The following RAB9B variants were observed in gnomAD, a reference collection of about 807,000 sequenced individuals.
The protein encoded by RAB9B is RAB9B, member RAS oncogene family.
RAB9B carries 1 observed loss-of-function variant against 8.9 expected under a neutral mutation model. The ratio of observed to expected loss-of-function variants is 0.11; its 90% CI spans 0.04 to 0.53. The LOEUF is 0.53. Among genes scored for constraint, RAB9B ranks in the 20% least tolerant of loss-of-function variants. The pLI is 0.93. For synonymous variants in RAB9B, 63 were observed against 57.0 expected (o/e 1.10, Z -0.47); for missense variants, 82 against 152.9 (o/e 0.54, Z 2.45).
In RAB9B at chrX:103,822,664, T is replaced by A. The variant is rs928666879; in HGVS notation, c.*2515A>T. 1.8e-5 allele frequency: 2 copies of A among 111,874 alleles called. No individual in the cohort carries two copies. The highest frequency in any genetic ancestry group is 3.8e-5 in the Non-Finnish European group (2 of 53,154). The allele number at this position is 111,874 out of a possible 1,213,427, so 9.2% of individuals were successfully genotyped here. On this transcript the variant is annotated 3_prime_UTR_variant, in exon 3 of 3. Transcript: ENST00000243298. The stretch of plus-strand genomic sequence containing the variant: ...ATTATTCCAAAAATCTAGTGTTCTT[T>A]AAAAAAACACCTATTGAAAATATTA...
chrX:103,815,312 A>G, the RAB9B span, among the ~76,000 whole-genome samples: 1 of 112,700 alleles, frequency 8.9e-6, no homozygotes, highest in Non-Finnish European at 1.9e-5. Flanking sequence ...AAGGTAATCC[A>G]TCACATAAAC....
the RAB9B span, among the ~76,000 whole-genome samples, chrX:103,803,868 G>A: frequency 2.1e-3 from 234 of 112,734 alleles, 2 homozygotes; most frequent in East Asian, 0.022. Flanking sequence ...GAGCCACCGC[G>A]TTTGGCCTAC....
intron 2 of RAB9B, among the ~76,000 whole-genome samples, chrX:103,826,751 C>T (rs917800277): frequency 1.8e-5 from 2 of 111,646 alleles, no homozygotes; most frequent in South Asian, 3.8e-4. Flanking sequence ...GGGAACTCAA[C>T]GGTGATGAGG....
the RAB9B span, chrX:103,785,521 G>A: frequency 2.0e-6 from 2 of 1,022,375 alleles, no homozygotes; most frequent in Non-Finnish European, 2.8e-6. Context: ...TGGCAGAGGG[G>A]TTTGAGTGGC....
At chrX:103,829,990 T>C (rs1377005675) in intron 1 of RAB9B, among the ~76,000 whole-genome samples, 1 of 111,802 alleles carries the variant, frequency 8.9e-6, no homozygotes, top group Admixed American at 9.5e-5. Flanking sequence ...GCCAAAATAC[T>C]ATTATTTATA....
At chrX:103,787,618 A>G in the RAB9B span, 1 of 484,273 alleles carries the variant, frequency 2.1e-6, no homozygotes, top group Non-Finnish European at 3.7e-6. Flanking sequence ...GGGGCCAGTT[A>G]TCTAGTAGAT....
the RAB9B span, among the ~76,000 whole-genome samples, chrX:103,810,525 G>A: frequency 1.5e-4 from 17 of 112,148 alleles, no homozygotes; most frequent in African/African-American, 5.5e-4. Context: ...CTGCTGTTCT[G>A]TGAATGCTTC....
chrX:103,816,887 C>T, the RAB9B span, among the ~76,000 whole-genome samples: 1 of 112,449 alleles, frequency 8.9e-6, no homozygotes, highest in African/African-American at 3.2e-5. Context: ...GAGATACCTT[C>T]TCAAGCCAGT....
At chrX:103,813,738 T>C in the RAB9B span, among the ~76,000 whole-genome samples, 1 of 11,377 alleles carries the variant, frequency 8.8e-5, no homozygotes, top group Admixed American at 1.4e-3. Context: ...ACCATGCAAA[T>C]GGAAAGCAAA....
chrX:103,789,591 TG>T, the RAB9B span, among the ~76,000 whole-genome samples: 2 of 111,720 alleles, frequency 1.8e-5, no homozygotes, highest in Admixed American at 9.5e-5. Flanking sequence ...ACAAATTAGA[TG>T]GGAACAAGAA....
At chrX:103,795,117 G>A in the RAB9B span, among the ~76,000 whole-genome samples, 2 of 111,394 alleles carry the variant, frequency 1.8e-5, no homozygotes, top group African/African-American at 3.3e-5. Context: ...CCCTCATGGA[G>A]CTCAACTAAA....
the RAB9B span, among the ~76,000 whole-genome samples, chrX:103,801,644 T>C: frequency 9.0e-6 from 1 of 111,688 alleles, no homozygotes; most frequent in African/African-American, 3.3e-5. Flanking sequence ...ATTATCATCA[T>C]TCTAATTTTA....
chrX:103,814,777 A>C, the RAB9B span, among the ~76,000 whole-genome samples: 2 of 112,181 alleles, frequency 1.8e-5, no homozygotes, highest in Non-Finnish European at 3.8e-5. Context: ...TCCCACAGAA[A>C]TACAAACTAC....
chrX:103,806,615 G>C, the RAB9B span, among the ~76,000 whole-genome samples: 1 of 111,619 alleles, frequency 9.0e-6, no homozygotes, highest in African/African-American at 3.3e-5. Context: ...GGTCTGGTTG[G>C]TATATAGTGT....
chrX:103,808,650 C>T, the RAB9B span, among the ~76,000 whole-genome samples: 2 of 112,961 alleles, frequency 1.8e-5, no homozygotes, highest in African/African-American at 6.4e-5. Context: ...GCCACCTTCT[C>T]ATGATTCTGT....
At chrX:103,813,646 C>T in the RAB9B span, among the ~76,000 whole-genome samples, 1 of 102,769 alleles carries the variant, frequency 9.7e-6, no homozygotes, top group Admixed American at 1.1e-4. Flanking sequence ...GAGTCAAGAT[C>T]CATCAGTGTG....
the RAB9B span, among the ~76,000 whole-genome samples, chrX:103,816,935 T>C: frequency 1.8e-4 from 20 of 112,550 alleles, no homozygotes; most frequent in African/African-American, 6.1e-4. Flanking sequence ...AAACAACAGA[T>C]GCTGGAAAGG....
At chrX:103,795,473 C>G in the RAB9B span, among the ~76,000 whole-genome samples, 1 of 111,271 alleles carries the variant, frequency 9.0e-6, no homozygotes, top group African/African-American at 3.3e-5. Context: ...AAAGCTGATT[C>G]TGAGGGTTAC....
At chrX:103,796,557 C>G in the RAB9B span, among the ~76,000 whole-genome samples, 3 of 111,090 alleles carry the variant, frequency 2.7e-5, no homozygotes, top group African/African-American at 9.9e-5. Flanking sequence ...TGCACTTTAT[C>G]AAGCACTGTA....
Sources: gnomAD v4.1 joint callset for allele counts (sites outside exome capture counted in the v4.1 genomes callset) on GRCh38, gnomAD v4.1.1 for gene constraint, MANE v1.5 for transcripts, NCBI Gene and HGNC (gene_info 2026-07-23, HGNC 2026-07-21) for gene names.